Variants in FRS2 observed in about 807,000 individuals in gnomAD.
FRS2 encodes the protein fibroblast growth factor receptor substrate 2, also known as FGFR signalling adaptor.
FRS2 carries 8 observed loss-of-function variants against 43.9 expected under a neutral mutation model. The observed-to-expected ratio is 0.18, with a 90% CI of 0.11 to 0.33. FRS2 has a LOEUF of 0.33. FRS2 is among the 10% of genes least tolerant of loss of function. The pLI, the probability that FRS2 is intolerant of heterozygous loss-of-function variation, is 1.00. For missense variants in FRS2, 534 were observed against 627.6 expected (o/e 0.85, Z 1.59); for synonymous variants, 219 against 220.3 (o/e 0.99, Z 0.05).
At chr12:69,501,974 G>GT (rs1308020433) in intron 1 of FRS2, among the ~76,000 whole-genome samples, 4 of 146,032 alleles carry the variant, frequency 2.7e-5, no homozygotes, top group Admixed American at 1.4e-4. Flanking sequence ...TGTTTTTTTT[G>GT]TTTTTTTGTG....
intron 1 of FRS2, among the ~76,000 whole-genome samples, chr12:69,478,766 A>C (rs1871087485): frequency 6.8e-6 from 1 of 147,428 alleles, no homozygotes. Context: ...GTGTGTGTAA[A>C]GAATTATATA....
At chr12:69,513,308 A>G (rs1394641177) in intron 1 of FRS2, among the ~76,000 whole-genome samples, 1 of 151,984 alleles carries the variant, frequency 6.6e-6, no homozygotes, top group African/African-American at 2.4e-5. Flanking sequence ...ACCTTTTTAA[A>G]AACTATGCTT....
chr12:69,561,718 A>G (rs917378053), intron 3 of FRS2, among the ~76,000 whole-genome samples: 3 of 151,996 alleles, frequency 2.0e-5, no homozygotes, highest in African/African-American at 4.8e-5. Context: ...GATATGGGGG[A>G]TGGATTTTGA....
At chr12:69,506,145 TA>T (rs1873909533) in intron 1 of FRS2, among the ~76,000 whole-genome samples, 3 of 152,214 alleles carry the variant, frequency 2.0e-5, no homozygotes, top group Non-Finnish European at 4.4e-5. Flanking sequence ...TTATATTGCA[TA>T]AATTTCTGTT....
chr12:69,476,893 T>C (rs1870842165), intron 1 of FRS2, among the ~76,000 whole-genome samples: 2 of 152,206 alleles, frequency 1.3e-5, no homozygotes, highest in Admixed American at 1.3e-4. Flanking sequence ...AATATTTAAA[T>C]TCTATTAGAA....
At chr12:69,489,046 C>T (rs548593219) in intron 1 of FRS2, among the ~76,000 whole-genome samples, 1 of 152,110 alleles carries the variant, frequency 6.6e-6, no homozygotes, top group Non-Finnish European at 1.5e-5. Context: ...TTCCTCTTTC[C>T]ATTTTATAGA....
chr12:69,522,268 T>C (rs1379615840), intron 1 of FRS2, among the ~76,000 whole-genome samples: 1 of 150,732 alleles, frequency 6.6e-6, no homozygotes, highest in Non-Finnish European at 1.5e-5. Flanking sequence ...AGGATGATGC[T>C]CACCTCATAG....
At chr12:69,522,194 GT>G (rs1875737425) in intron 1 of FRS2, among the ~76,000 whole-genome samples, 1 of 93,990 alleles carries the variant, frequency 1.1e-5, no homozygotes, top group African/African-American at 4.3e-5. Flanking sequence ...TTTTCTTTGT[GT>G]GTGTGTGTGT....
rs1232505730 is a variant in FRS2, at chr12:69,579,437, A to G, written c.*4482A>G. 2 of 152,660 alleles carry G rather than the reference A, an allele frequency of 1.3e-5. No individual in the cohort carries two copies. Among genetic ancestry groups the G allele is most frequent in the Non-Finnish European group, 2.9e-5 (2 of 68,042 alleles). The allele number at this position is 152,660 out of a possible 1,614,324, so 9.5% of individuals were successfully genotyped here. A position where few individuals can be genotyped will look rare whatever the true frequency, so the allele number is the denominator to read the frequency against. Reference sequence around the variant, plus strand: ...CAAACGTTTATTAACTGGAGTACTTAGAATAAGCTAGTAATTGAATTTAGT... The same window carrying G: ...CAAACGTTTATTAACTGGAGTACTTGGAATAAGCTAGTAATTGAATTTAGT... On this transcript the variant is annotated 3_prime_UTR_variant, in exon 9 of 9. Coordinates refer to ENST00000549921, the MANE Select transcript of FRS2 (RefSeq NM_001278356.2).
chr12:69,502,138 G>A (rs1465088855), intron 1 of FRS2, among the ~76,000 whole-genome samples: 1 of 151,942 alleles, frequency 6.6e-6, no homozygotes, highest in Non-Finnish European at 1.5e-5. Context: ...GCTAATTTTT[G>A]TATTTTTAGT....
Position 69,531,133 on chromosome 12 carries a change from C to G in FRS2, c.-165+173C>G, listed in dbSNP as rs1593000103. On this transcript the variant is annotated intron_variant, in intron 2 of 8. Coordinates refer to ENST00000549921, the MANE Select transcript of FRS2 (RefSeq NM_001278356.2). Reference sequence around the variant, plus strand: ...TCACCTGAGGTCAGGAATTCAAGACCAGCCTGGCCAACATGGTGAAACCCT... The same window carrying G: ...TCACCTGAGGTCAGGAATTCAAGACGAGCCTGGCCAACATGGTGAAACCCT... Among the ~76,000 whole-genome samples the G allele has an allele frequency of 2.0e-5, 3 of 151,994 alleles. 1 individual carries two copies. The South Asian group carries it at 6.2e-4, about 32-fold the overall frequency.
chr12:69,578,979 G>A lies in FRS2; in HGVS notation c.*4024G>A, dbSNP rs368655295. ...TATGCATACATTGTATCTTAATGCT[G>A]TTTCAGATCAGCATTTTAAATTTTG... On this transcript the variant is annotated 3_prime_UTR_variant, in exon 9 of 9. Transcript: ENST00000549921. 2.6e-5 allele frequency: 4 copies of A among 152,642 alleles called. No homozygotes were observed. The highest frequency in any genetic ancestry group is 9.6e-5 in the African/African-American group (4 of 41,546). 9.5% of individuals were successfully genotyped at this position (152,642 alleles called of 1,614,324 possible).
rs145530469 is a variant in FRS2, at chr12:69,535,671, G to A, written c.-122+3615G>A. On this transcript the variant is annotated intron_variant, in intron 3 of 8. Transcript: ENST00000549921. The stretch of plus-strand genomic sequence containing the variant: ...AGCTTTTTCGGTTATTAAGTACAGT[G>A]TTATATTTATGTCTAAGAACTTGTT... 5.1e-3 allele frequency among the ~76,000 whole-genome samples: 769 copies of A among 152,156 alleles called. 22 individuals carry two copies. Among genetic ancestry groups the A allele is most frequent in the Admixed American group, 0.035 (528 of 15,268 alleles).
At chr12:69,488,977 T>A (rs1301375322) in intron 1 of FRS2, among the ~76,000 whole-genome samples, 1 of 152,130 alleles carries the variant, frequency 6.6e-6, no homozygotes, top group East Asian at 1.9e-4. Flanking sequence ...TTGGAGAGCT[T>A]TACTTTTGTA....
chr12:69,490,192 G>C (rs556670417), intron 1 of FRS2, among the ~76,000 whole-genome samples: 36 of 152,202 alleles, frequency 2.4e-4, no homozygotes, highest in African/African-American at 8.7e-4. Flanking sequence ...TTGAATCTGA[G>C]AAAGAAGAGG....
At chr12:69,508,891 C>A (rs747367002) in intron 1 of FRS2, among the ~76,000 whole-genome samples, 2 of 152,094 alleles carry the variant, frequency 1.3e-5, no homozygotes, top group Non-Finnish European at 2.9e-5. Flanking sequence ...TTCCCTTTTT[C>A]TCATCTTTAT....
intron 3 of FRS2, among the ~76,000 whole-genome samples, chr12:69,556,008 C>CGGG (rs10666921): frequency 1.6e-5 from 2 of 123,438 alleles, no homozygotes; most frequent in Admixed American, 8.6e-5. Context: ...GTGTGTGTGG[C>CGGG]GGGGGGGGGG....
At chr12:69,481,399 C>T (rs924108314) in intron 1 of FRS2, among the ~76,000 whole-genome samples, 4 of 151,710 alleles carry the variant, frequency 2.6e-5, no homozygotes, top group Non-Finnish European at 2.9e-5. Context: ...TCATGCCTCT[C>T]TTGTAGCTGG....
At chr12:69,538,209 A>ATATATATATATATATATATATATG (rs1877514212) in intron 3 of FRS2, among the ~76,000 whole-genome samples, 1 of 129,780 alleles carries the variant, frequency 7.7e-6, no homozygotes. Flanking sequence ...ATATATATAT[A>ATATATATATATATATATATATATG]TATATATATA....
Sources: gnomAD v4.1 joint callset for allele counts (sites outside exome capture counted in the v4.1 genomes callset) on GRCh38, gnomAD v4.1.1 for gene constraint, MANE v1.5 for transcripts, NCBI Gene and HGNC (gene_info 2026-07-23, HGNC 2026-07-21) for gene names.